PARP16: variants seen among roughly 807,000 people sequenced by gnomAD.
The protein encoded by PARP16 is protein mono-ADP-ribosyltransferase PARP16.
A neutral mutation model predicts 35.0 loss-of-function variants in PARP16; 31 were observed. That is an observed-to-expected ratio of 0.88 (90% CI 0.66 to 1.19). The LOEUF (loss-of-function observed/expected upper bound fraction) is 1.19. Among genes scored for constraint, PARP16 ranks in the 50% most tolerant of loss-of-function variants. The pLI is 0.00. For missense variants in PARP16, 424 were observed against 411.2 expected, an observed-to-expected ratio of 1.03 and a Z score of -0.27; for synonymous variants, 162 against 169.5, an observed-to-expected ratio of 0.96 and a Z score of 0.34.
intron 3 of PARP16, among the ~76,000 whole-genome samples, chr15:65,237,609 A>G (rs551923770): frequency 6.6e-6 from 1 of 152,108 alleles, no homozygotes; most frequent in South Asian, 2.1e-4. Context: ...TGTGGCTATA[A>G]GTCAAGGAAG....
chr15:65,253,971 C>T (rs1253527960), downstream of PARP16, among the ~76,000 whole-genome samples: 2 of 152,108 alleles, frequency 1.3e-5, no homozygotes, highest in African/African-American at 4.8e-5. Context: ...GCGCACACCA[C>T]CACACCCGGC....
intron 1 of PARP16, among the ~76,000 whole-genome samples, chr15:65,274,565 C>G (rs2090192201): frequency 7.7e-6 from 1 of 129,054 alleles, no homozygotes; most frequent in African/African-American, 2.5e-5. Flanking sequence ...CAGAGTGAAA[C>G]CCTGTCTCGA....
intron 1 of PARP16, among the ~76,000 whole-genome samples, chr15:65,285,088 C>A (rs2090544326): frequency 6.6e-6 from 1 of 151,180 alleles, no homozygotes; most frequent in Non-Finnish European, 1.5e-5. Flanking sequence ...CCTTTTTCTT[C>A]TTTTTCTACA....
In PARP16 at chr15:65,265,846, TGATGC is replaced by T. The variant is rs1567025463; in HGVS notation, c.519+711_519+715del. ...TCACCTGGAGAGCTTTTAAAGCAAC[TGATGC>T]CTGTGCTCCACTCGGAGATTCTCAT... On this transcript the variant is annotated intron_variant, in intron 3 of 5. Transcript: ENST00000649807. Among the ~76,000 whole-genome samples, 3 of 152,370 alleles carry T rather than the reference TGATGC, an allele frequency of 2.0e-5. No homozygotes were observed. The East Asian group carries it at 5.8e-4, about 29-fold the overall frequency.
intron 1 of PARP16, chr15:65,282,646 G>A (rs1340528926): frequency 6.6e-6 from 1 of 152,200 alleles, no homozygotes; most frequent in Non-Finnish European, 1.5e-5. Flanking sequence ...TAAGGAATAT[G>A]GCAACAGAAA....
At chr15:65,236,023 AT>A (rs1048173865) in intron 3 of PARP16, among the ~76,000 whole-genome samples, 2 of 151,412 alleles carry the variant, frequency 1.3e-5, no homozygotes, top group East Asian at 2.0e-4. Context: ...ATGCCCAGCT[AT>A]TTTTTTGTAT....
At chr15:65,276,657 G>C (rs1440016603) in intron 1 of PARP16, among the ~76,000 whole-genome samples, 1 of 152,130 alleles carries the variant, frequency 6.6e-6, no homozygotes, top group Non-Finnish European at 1.5e-5. Flanking sequence ...ATGAGCCCCT[G>C]TGTTCAGCCA....
intron 1 of PARP16, among the ~76,000 whole-genome samples, chr15:65,280,814 A>G (rs1386772459): frequency 1.3e-5 from 2 of 152,190 alleles, no homozygotes; most frequent in Non-Finnish European, 2.9e-5. Context: ...AGGAAAAAAA[A>G]GAGAAAGACT....
intron 5 of PARP16, among the ~76,000 whole-genome samples, chr15:65,259,982 AC>A (rs2089648156): frequency 6.6e-6 from 1 of 152,134 alleles, no homozygotes; most frequent in African/African-American, 2.4e-5. Context: ...GATCTAAACC[AC>A]CCAAGTGTGC....
chr15:65,254,378 G>C (rs143984366), downstream of PARP16, among the ~76,000 whole-genome samples: 1 of 152,122 alleles, frequency 6.6e-6, no homozygotes, highest in African/African-American at 2.4e-5. Context: ...CAAAGGAGAG[G>C]GGCTTATTCT....
intron 3 of PARP16, among the ~76,000 whole-genome samples, chr15:65,246,006 G>A (rs1567011203): frequency 6.6e-6 from 1 of 152,056 alleles, no homozygotes; most frequent in East Asian, 1.9e-4. Flanking sequence ...CCATCTCCAG[G>A]GTAACTCTTA....
intron 1 of PARP16, 138 bp from the exon 2 acceptor site, chr15:65,271,210 A>G (rs940261105): frequency 6.7e-6 from 5 of 744,496 alleles, no homozygotes; most frequent in Non-Finnish European, 9.0e-6. Flanking sequence ...CAGGTCTACA[A>G]TCCCCTTTCC....
chr15:65,253,193 C>A (rs1187379269), downstream of PARP16, among the ~76,000 whole-genome samples: 1 of 152,050 alleles, frequency 6.6e-6, no homozygotes, highest in Non-Finnish European at 1.5e-5. Flanking sequence ...CTTTCCACCC[C>A]ACTAACCTCA....
downstream of PARP16, among the ~76,000 whole-genome samples, chr15:65,257,287 T>C (rs1305294618): frequency 2.0e-5 from 3 of 151,986 alleles, no homozygotes; most frequent in African/African-American, 7.3e-5. Context: ...TGTGGTGGCA[T>C]GCGCCTGTAA....
chr15:65,245,144 C>T (rs891181657), intron 3 of PARP16, among the ~76,000 whole-genome samples: 5 of 152,210 alleles, frequency 3.3e-5, no homozygotes, highest in Non-Finnish European at 5.9e-5. Flanking sequence ...TGCTGCAGGG[C>T]TTTCAAATCC....
chr15:65,278,519 AAG>A (rs1238070820), intron 1 of PARP16, among the ~76,000 whole-genome samples: 1 of 152,156 alleles, frequency 6.6e-6, no homozygotes, highest in Non-Finnish European at 1.5e-5. Context: ...CCTCTTAGGA[AAG>A]AGGTACTTTG....
intron 2 of PARP16, among the ~76,000 whole-genome samples, chr15:65,250,865 C>T (rs1174533769): frequency 6.6e-6 from 1 of 152,066 alleles, no homozygotes; most frequent in East Asian, 1.9e-4. Context: ...GTGTTTTTCC[C>T]ATCTCTTATT....
intron 3 of PARP16, among the ~76,000 whole-genome samples, chr15:65,244,845 G>T (rs1194038491): frequency 6.6e-6 from 1 of 152,240 alleles, no homozygotes; most frequent in African/African-American, 2.4e-5. Context: ...CCTGTTGGTT[G>T]GTCTGAGGAT....
At chr15:65,263,426 C>T (rs2089800878) in intron 3 of PARP16, 106 bp from the exon 4 acceptor site, 2 of 886,074 alleles carry the variant, frequency 2.3e-6, no homozygotes, top group Non-Finnish European at 1.7e-6. Flanking sequence ...ACAAAATGTA[C>T]AACCCCCGCT....
Sources: gnomAD v4.1 joint callset for allele counts (sites outside exome capture counted in the v4.1 genomes callset) on GRCh38, gnomAD v4.1.1 for gene constraint, MANE v1.5 for transcripts, NCBI Gene and HGNC (gene_info 2026-07-23, HGNC 2026-07-21) for gene names.